MYO1D: variants seen among roughly 807,000 people sequenced by gnomAD.
MYO1D encodes the protein myosin ID.
Under a neutral mutation model 122.0 loss-of-function variants are expected in MYO1D, and 83 were observed. The ratio of observed to expected loss-of-function variants is 0.68; its 90% CI spans 0.57 to 0.82. The LOEUF (loss-of-function observed/expected upper bound fraction) is 0.82. Ranked by LOEUF, MYO1D falls within the 40% of genes least tolerant of loss-of-function variation. The pLI is 0.00. For synonymous variants in MYO1D, 464 were observed against 446.9 expected (o/e 1.04, Z -0.48); for missense variants, 1,157 against 1,269.5 (o/e 0.91, Z 1.35).
rs1316220524 is a variant in MYO1D, at chr17:32,767,726, G to A, written c.741C>T (p.Phe247=). ...LKSSINDAAE[F]RVVADAMKVI... ...CTTTCATGGCATCAGCAACAACTCT[G>A]AATTCGGCAGCATCATTGATAGAAG... The change falls in exon 7 of 22, where the codon TTC becomes TTT. Residue 247 remains phenylalanine, a synonymous_variant. Coordinates refer to ENST00000318217, the MANE Select transcript of MYO1D (RefSeq NM_015194.3). 1 of 1,613,532 alleles carries A rather than the reference G, an allele frequency of 6.2e-7. No individual in the cohort carries two copies. The highest frequency in any genetic ancestry group is 8.5e-7 in the Non-Finnish European group (1 of 1,179,674).
At chr17:32,802,592 A>G (rs936548000) in intron 1 of MYO1D, among the ~76,000 whole-genome samples, 1 of 152,356 alleles carries the variant, frequency 6.6e-6, no homozygotes, top group Non-Finnish European at 1.5e-5. Flanking sequence ...ACTTTTAAAA[A>G]TAATTTTCAC....
At chr17:32,572,123 T>C (rs2087235577) in intron 21 of MYO1D, among the ~76,000 whole-genome samples, 1 of 146,702 alleles carries the variant, frequency 6.8e-6, no homozygotes, top group African/African-American at 2.7e-5. Context: ...CATTAAATAA[T>C]ATATGTATCC....
intron 16 of MYO1D, among the ~76,000 whole-genome samples, chr17:32,678,415 C>G (rs1230744239): frequency 1.4e-5 from 2 of 142,460 alleles, no homozygotes; most frequent in Admixed American, 7.0e-5. Context: ...CCCCTCCCCC[C>G]ACTCCACCAC....
chr17:32,665,886 G>A (rs1429367949), intron 16 of MYO1D, among the ~76,000 whole-genome samples: 1 of 152,114 alleles, frequency 6.6e-6, no homozygotes, highest in South Asian at 2.1e-4. Context: ...TCTCTTTCCT[G>A]CCAGAATCCT....
chr17:32,655,902 G>A lies in MYO1D; in HGVS notation c.2346-1281C>T, dbSNP rs188739728. Reference sequence around the variant, plus strand: ...TCAGGGAGGTGGAGGTGGAGGTGGAGGTAAGTGTTGGTTCTGCATATTTCT... The same window carrying A: ...TCAGGGAGGTGGAGGTGGAGGTGGAAGTAAGTGTTGGTTCTGCATATTTCT... On this transcript the variant is annotated intron_variant, in intron 17 of 21. Transcript: ENST00000318217. 7.9e-4 allele frequency among the ~76,000 whole-genome samples: 120 copies of A among 152,272 alleles called. 1 individual carries two copies. The highest frequency in any genetic ancestry group is 6.8e-3 in the Middle Eastern group (2 of 294).
At chr17:32,549,756 C>A (rs1041040854) in intron 21 of MYO1D, among the ~76,000 whole-genome samples, 2 of 152,146 alleles carry the variant, frequency 1.3e-5, no homozygotes, top group Non-Finnish European at 2.9e-5. Context: ...AATCCCAGAG[C>A]CTCATTTTCC....
At chr17:32,545,426 C>A (rs1325026334) in intron 21 of MYO1D, among the ~76,000 whole-genome samples, 2 of 152,134 alleles carry the variant, frequency 1.3e-5, no homozygotes, top group African/African-American at 4.8e-5. Flanking sequence ...TGTAGTCAGT[C>A]CCCATTATTA....
intron 21 of MYO1D, among the ~76,000 whole-genome samples, chr17:32,551,242 A>C (rs1195277810): frequency 1.3e-5 from 2 of 152,224 alleles, no homozygotes. Context: ...GAAGTGGATT[A>C]GATCAAGAGG....
intron 21 of MYO1D, among the ~76,000 whole-genome samples, chr17:32,532,982 A>G (rs372084012): frequency 2.6e-4 from 39 of 152,204 alleles, no homozygotes; most frequent in African/African-American, 7.5e-4. Context: ...TTTTCTGCCA[A>G]CTATTGAATA....
At position 32,596,083 on chromosome 17, in the gene MYO1D, C is replaced by T. The variant is rs148414104; in HGVS notation, c.2864+9004G>A. Among the ~76,000 whole-genome samples the T allele has an allele frequency of 4.7e-4, 72 of 152,318 alleles. No individual in the cohort carries two copies. In the East Asian group the frequency reaches 7.5e-3, roughly 16 times the overall value. ...GAGGAAAGTGAATTGTGGCCACTCA[C>T]TTTTCTGTCCCCCATAAGTCAGGTG... On this transcript the variant is annotated intron_variant, in intron 21 of 21. Coordinates refer to ENST00000318217, the MANE Select transcript of MYO1D (RefSeq NM_015194.3).
At chr17:32,517,974 T>C (rs1029031741) in intron 21 of MYO1D, among the ~76,000 whole-genome samples, 4 of 151,090 alleles carry the variant, frequency 2.6e-5, no homozygotes, top group Non-Finnish European at 4.4e-5. Context: ...GGCCCGCCAC[T>C]CTGCCATCAC....
intron 1 of MYO1D, among the ~76,000 whole-genome samples, chr17:32,839,756 T>G (rs2090860997): frequency 6.6e-6 from 1 of 152,178 alleles, no homozygotes; most frequent in Non-Finnish European, 1.5e-5. Context: ...GTATTTACTC[T>G]CAGGATTTTT....
chr17:32,666,436 G>C (rs534232435), intron 16 of MYO1D, among the ~76,000 whole-genome samples: 1 of 152,092 alleles, frequency 6.6e-6, no homozygotes, highest in East Asian at 1.9e-4. Flanking sequence ...TGCTCTTTTC[G>C]AGATGTTAAG....
rs554807758 is a variant in MYO1D, at chr17:32,682,491, T to C, written c.2122-23153A>G. On this transcript the variant is annotated intron_variant, in intron 16 of 21. Coordinates refer to ENST00000318217, the MANE Select transcript of MYO1D (RefSeq NM_015194.3). ...GCATTTGCTTGTCTGTAAAGGATTT[T>C]ATTTCTCCTTCACTTATGAAGCTTA... Among the ~76,000 whole-genome samples the C allele has an allele frequency of 1.8e-3, 268 of 151,522 alleles. 1 individual carries two copies. The highest frequency in any genetic ancestry group is 0.01 in the Middle Eastern group (3 of 294).
At chr17:32,856,037 TG>T (rs1283500643) in intron 1 of MYO1D, among the ~76,000 whole-genome samples, 2 of 152,192 alleles carry the variant, frequency 1.3e-5, no homozygotes, top group African/African-American at 4.8e-5. Context: ...TTAAACAAAA[TG>T]TATCTTAGTT....
intron 1 of MYO1D, among the ~76,000 whole-genome samples, chr17:32,840,473 G>A (rs2090869971): frequency 6.6e-6 from 1 of 152,052 alleles, no homozygotes; most frequent in Non-Finnish European, 1.5e-5. Flanking sequence ...TCCTTCAATG[G>A]GCAGTATTTA....
chr17:32,701,570 A>AT lies in MYO1D; in HGVS notation c.2121+10417dup, dbSNP rs200842596. Among the ~76,000 whole-genome samples the AT allele has an allele frequency of 1.9e-3, 292 of 150,866 alleles. 7 individuals are homozygous for AT. In the East Asian group the frequency reaches 0.046, roughly 24 times the overall value. On this transcript the variant is annotated intron_variant, in intron 16 of 21. Transcript: ENST00000318217. Reference sequence around the variant, plus strand: ...CATTACTCTTTTTAAAATTTATTTCATTTTTTTTTAGAGACAGGGTCACAC... The same window carrying AT: ...CATTACTCTTTTTAAAATTTATTTCATTTTTTTTTTAGAGACAGGGTCACAC...
At chr17:32,855,336 T>A (rs780633939) in intron 1 of MYO1D, among the ~76,000 whole-genome samples, 2 of 152,170 alleles carry the variant, frequency 1.3e-5, no homozygotes, top group Non-Finnish European at 2.9e-5. Flanking sequence ...CTGTCCCCTC[T>A]CTCTTCTCCA....
chr17:32,653,064 C>A (rs1004323293), intron 19 of MYO1D, among the ~76,000 whole-genome samples: 2 of 151,974 alleles, frequency 1.3e-5, no homozygotes, highest in Non-Finnish European at 2.9e-5. Context: ...ATGGCATGAA[C>A]CTGGGAGGCG....
Sources: gnomAD v4.1 joint callset for allele counts (sites outside exome capture counted in the v4.1 genomes callset) on GRCh38, gnomAD v4.1.1 for gene constraint, MANE v1.5 for transcripts, NCBI Gene and HGNC (gene_info 2026-07-23, HGNC 2026-07-21) for gene names.